Variants in SKI observed in about 807,000 individuals in gnomAD.
SKI encodes the protein SKI proto-oncogene, also known as ski oncogene.
SKI carries 23 observed loss-of-function variants against 59.3 expected under a neutral mutation model. The ratio of observed to expected loss-of-function variants is 0.39; its 90% CI spans 0.28 to 0.55. SKI has a LOEUF of 0.55. Among genes scored for constraint, SKI ranks in the 20% least tolerant of loss-of-function variants. The pLI is 0.67. For missense variants in SKI, 1,017 were observed against 1,038.9 expected, an observed-to-expected ratio of 0.98 and a Z score of 0.29; for synonymous variants, 673 against 488.6, an observed-to-expected ratio of 1.38 and a Z score of -4.98.
At chr1:2,240,529 C>G (rs1310106352) in intron 1 of SKI, 2 of 985,312 alleles carry the variant, frequency 2.0e-6, no homozygotes, top group Non-Finnish European at 2.4e-6. Context: ...TGGGGCAAGG[C>G]TGCGGGACTG....
At chr1:2,306,416 C>CCCTGCGTCTCGTGAG (rs1640580733) in intron 6 of SKI, among the ~76,000 whole-genome samples, 161 bp from the exon 7 acceptor site, 1 of 152,188 alleles carries the variant, frequency 6.6e-6, no homozygotes, top group African/African-American at 2.4e-5. Flanking sequence ...GGTTGCTGGG[C>CCCTGCGTCTCGTGAG]CCTGCGTCTC....
rs1569676036 is a variant in SKI, at chr1:2,234,738, C to G, written c.969+5003C>G. 2.0e-5 allele frequency among the ~76,000 whole-genome samples: 3 copies of G among 152,358 alleles called. 1 individual carries two copies. The South Asian group carries it at 6.2e-4, about 32-fold the overall frequency. ...TTGCGAAAGTTGAGGGAGGATTTCT[C>G]CACTGGAAGAATTATGCAAGCTTCA... is the stretch of plus-strand genomic sequence containing the variant. On this transcript the variant is annotated intron_variant, in intron 1 of 6. Coordinates refer to ENST00000378536, the MANE Select transcript of SKI (RefSeq NM_003036.4).
intron 1 of SKI, among the ~76,000 whole-genome samples, chr1:2,237,542 G>A (rs1227793246): frequency 6.6e-6 from 1 of 152,252 alleles, no homozygotes; most frequent in African/African-American, 2.4e-5. Context: ...ACCCTGTCCT[G>A]GTTGGGGTGC....
chr1:2,233,407 C>G (rs1417901967), intron 1 of SKI, among the ~76,000 whole-genome samples: 2 of 152,148 alleles, frequency 1.3e-5, no homozygotes, highest in Non-Finnish European at 2.9e-5. Flanking sequence ...ATTCTGGTGA[C>G]TGGAGAATTT....
chr1:2,262,829 A>AT, intron 1 of SKI, among the ~76,000 whole-genome samples: 2 of 152,266 alleles, frequency 1.3e-5, no homozygotes, highest in Admixed American at 1.3e-4. Context: ...TGCTAAACCA[A>AT]TTGTTCATTC....
chr1:2,258,305 G>A (rs563470707), intron 1 of SKI, among the ~76,000 whole-genome samples: 1 of 152,288 alleles, frequency 6.6e-6, no homozygotes, highest in South Asian at 2.1e-4. Flanking sequence ...GCTGGTATGT[G>A]TGGGACCAGC....
At chr1:2,247,366 A>G (rs1431938177) in intron 1 of SKI, among the ~76,000 whole-genome samples, 1 of 152,220 alleles carries the variant, frequency 6.6e-6, no homozygotes, top group Non-Finnish European at 1.5e-5. Flanking sequence ...CAGACTCCCA[A>G]ATGACCAAGG....
At position 2,264,750 on chromosome 1, in the gene SKI, G is replaced by A. The variant is rs527866020; in HGVS notation, c.969+35015G>A. 3.9e-5 allele frequency among the ~76,000 whole-genome samples: 6 copies of A among 152,104 alleles called. No individual in the cohort carries two copies. In the South Asian group the frequency reaches 6.2e-4, roughly 16 times the overall value. ...GTTGCTGTACTGTGTTCCTGCATGC[G>A]TGCTTCCAGAGAGAGATCTGCTCAT... On this transcript the variant is annotated intron_variant, in intron 1 of 6. Transcript: ENST00000378536.
Position 2,229,364 on chromosome 1 carries a change from A to G in SKI, c.598A>G (p.Lys200Glu). Reference protein sequence around the residue: ...LYGGAYPPPCKKELAASLALG... With the variant: ...LYGGAYPPPCEKELAASLALG... ...CGGCGGCGCCTACCCGCCGCCCTGC[A>G]AGAAGGAGCTGGCCGCCAGCCTGGC... The change falls in exon 1 of 7, where the codon AAG (lysine) becomes GAG (glutamate). Residue 200 changes from lysine to glutamate, a missense_variant. Coordinates refer to ENST00000378536, the MANE Select transcript of SKI (RefSeq NM_003036.4). This position sits in a 1 kb window ranked among gnomAD's most constrained non-coding sequence, Gnocchi z 6.3. 2 of 1,599,690 alleles carry G rather than the reference A, an allele frequency of 1.3e-6. No homozygotes were observed. The highest frequency in any genetic ancestry group is 1.7e-4 in the Middle Eastern group (1 of 5,946).
At chr1:2,280,607 GATGCCCGAGAAGAC>G (rs1639855209) in intron 1 of SKI, among the ~76,000 whole-genome samples, 1 of 148,548 alleles carries the variant, frequency 6.7e-6, no homozygotes, top group African/African-American at 2.5e-5. Context: ...TCAGAGAGAA[GATGCCCGAGAAGAC>G]AGGCGGCGGC....
chr1:2,232,837 G>A (rs1638668291), intron 1 of SKI, among the ~76,000 whole-genome samples: 1 of 152,294 alleles, frequency 6.6e-6, no homozygotes, highest in South Asian at 2.1e-4. Flanking sequence ...TTTATGTTTT[G>A]AGTGGTACAG....
chr1:2,295,540 T>C (rs570180989), intron 1 of SKI, among the ~76,000 whole-genome samples: 1 of 152,120 alleles, frequency 6.6e-6, no homozygotes, highest in Non-Finnish European at 1.5e-5. Flanking sequence ...GGTCCGTCAC[T>C]CCCCAGGCCC....
rs144173596 is a variant in SKI, at chr1:2,246,951, G to A, written c.969+17216G>A. 2.6e-5 allele frequency among the ~76,000 whole-genome samples: 4 copies of A among 152,316 alleles called. No individual in the cohort carries two copies. The East Asian group carries it at 5.8e-4, about 22-fold the overall frequency. ...AGAGCCATGGGCACAGGCCGGGCACGGTGGCTCACGCCTGTAATCCCAGCA... is the reference window on the plus strand; with the variant it reads ...AGAGCCATGGGCACAGGCCGGGCACAGTGGCTCACGCCTGTAATCCCAGCA... On this transcript the variant is annotated intron_variant, in intron 1 of 6. Coordinates refer to ENST00000378536, the MANE Select transcript of SKI (RefSeq NM_003036.4).
At chr1:2,276,013 CTGT>C (rs753193666) in intron 1 of SKI, among the ~76,000 whole-genome samples, 1 of 152,214 alleles carries the variant, frequency 6.6e-6, no homozygotes, top group East Asian at 1.9e-4. Flanking sequence ...CCTCTCAGAG[CTGT>C]TGAGAATTGA....
chr1:2,294,385 C>A (rs1569840306), intron 1 of SKI, among the ~76,000 whole-genome samples: 1 of 152,242 alleles, frequency 6.6e-6, no homozygotes, highest in Non-Finnish European at 1.5e-5. Flanking sequence ...CTGCTCTCCT[C>A]AACAAGCAAA....
chr1:2,249,170 G>A (rs1395474225), intron 1 of SKI, among the ~76,000 whole-genome samples: 3 of 152,244 alleles, frequency 2.0e-5, no homozygotes, highest in East Asian at 1.9e-4. Context: ...TCATGGCAGC[G>A]TTGTTGGTGG....
At position 2,304,569 on chromosome 1, in the gene SKI, A is replaced by T; in HGVS notation, c.1751A>T (p.Lys584Met). ...AAGCTCAGCGCAGCCCTGCAGGCCA[A>T]GCGCAGCCTCCACCAGGTGAGCGGG... Reference protein sequence around the residue: ...EEKLSAALQAKRSLHQELEFL... With the variant: ...EEKLSAALQAMRSLHQELEFL... Residue 584 changes from lysine (K) to methionine (M), a missense_variant, in exon 5 of 7, where the codon AAG becomes ATG. Lys to Met is a moderately conservative substitution (Grantham distance 95). Transcript: ENST00000378536. 1 of 1,560,074 alleles carries T rather than the reference A, an allele frequency of 6.4e-7. No individual in the cohort carries two copies. The highest frequency in any genetic ancestry group is 8.7e-7 in the Non-Finnish European group (1 of 1,152,754).
At chr1:2,290,133 G>A (rs550455981) in intron 1 of SKI, among the ~76,000 whole-genome samples, 4 of 152,060 alleles carry the variant, frequency 2.6e-5, no homozygotes, top group Non-Finnish European at 5.9e-5. Context: ...GGTGATGTTG[G>A]TTGTAAGGGG....
chr1:2,301,207 A>G (rs906160935), intron 1 of SKI, among the ~76,000 whole-genome samples: 1 of 151,774 alleles, frequency 6.6e-6, no homozygotes, highest in African/African-American at 2.4e-5. Flanking sequence ...CTAGGATGGC[A>G]CCCGCCCCTG....
Sources: gnomAD v4.1 joint callset for allele counts (sites outside exome capture counted in the v4.1 genomes callset) on GRCh38, gnomAD v4.1.1 for gene constraint, Gnocchi (gnomAD v3.1) non-coding constraint, MANE v1.5 for transcripts, NCBI Gene and HGNC (gene_info 2026-07-23, HGNC 2026-07-21) for gene names.